The following DPP6 variants were observed in gnomAD, a reference collection of about 807,000 sequenced individuals.
DPP6 encodes the protein dipeptidyl peptidase like 6.
A neutral mutation model predicts 122.6 loss-of-function variants in DPP6; 69 were observed. The ratio of observed to expected loss-of-function variants is 0.56; its 90% CI spans 0.46 to 0.69. The LOEUF is 0.69. DPP6 is among the 30% of genes least tolerant of loss of function. The pLI is 0.00. For missense variants in DPP6, 928 were observed against 1,116.9 expected, an observed-to-expected ratio of 0.83 and a Z score of 2.41; for synonymous variants, 418 against 433.1, an observed-to-expected ratio of 0.97 and a Z score of 0.43.
intron 1 of DPP6, among the ~76,000 whole-genome samples, chr7:153,941,868 T>C (rs1801712458): frequency 6.6e-6 from 1 of 152,206 alleles, no homozygotes; most frequent in Non-Finnish European, 1.5e-5. Flanking sequence ...TCTCTGTTTC[T>C]GTTTGTCTCT....
chr7:154,110,947 G>A (rs1806526076), intron 1 of DPP6, among the ~76,000 whole-genome samples: 1 of 152,040 alleles, frequency 6.6e-6, no homozygotes, highest in Admixed American at 6.5e-5. Context: ...GGAAAGGATG[G>A]GGGATGGAGA....
At chr7:154,716,387 A>G (rs1005714808) in intron 7 of DPP6, among the ~76,000 whole-genome samples, 18 of 152,124 alleles carry the variant, frequency 1.2e-4, no homozygotes, top group African/African-American at 4.3e-4. Flanking sequence ...CTTACCACCT[A>G]CTTGTAGTCC....
intron 8 of DPP6, among the ~76,000 whole-genome samples, chr7:154,732,096 T>C (rs1227154817): frequency 6.6e-6 from 1 of 152,008 alleles, no homozygotes; most frequent in East Asian, 1.9e-4. Flanking sequence ...TGGAGTGTAG[T>C]GGCGCAATCT....
In DPP6 at chr7:154,772,952, C is replaced by A; in HGVS notation, c.1136+10C>A. ...ATGATCCACGGATGAGGTTTGCTTCCTTCTATTATGTTACCAAAAAAAAAA... is the reference window on the plus strand; with the variant it reads ...ATGATCCACGGATGAGGTTTGCTTCATTCTATTATGTTACCAAAAAAAAAA... On this transcript the variant is annotated intron_variant, in intron 10 of 25. Transcript: ENST00000377770. The A allele has an allele frequency of 6.5e-7, 1 of 1,539,118 alleles. No individual in the cohort carries two copies. The highest frequency in any genetic ancestry group is 8.7e-7 in the Non-Finnish European group (1 of 1,146,742).
At chr7:154,210,697 T>C (rs1256744195) in intron 1 of DPP6, among the ~76,000 whole-genome samples, 1 of 151,986 alleles carries the variant, frequency 6.6e-6, no homozygotes, top group African/African-American at 2.4e-5. Flanking sequence ...AAAGACATGC[T>C]GGTAGAGGAA....
intron 16 of DPP6, among the ~76,000 whole-genome samples, chr7:154,825,805 C>T (rs967955992): frequency 3.3e-5 from 5 of 152,196 alleles, no homozygotes; most frequent in Non-Finnish European, 7.3e-5. Context: ...GGAGAAGGAA[C>T]AGGAAACAAA....
intron 1 of DPP6, among the ~76,000 whole-genome samples, chr7:154,032,977 A>T (rs1799333149): frequency 6.6e-6 from 1 of 151,562 alleles, no homozygotes; most frequent in African/African-American, 2.4e-5. Flanking sequence ...AGGTGGCTTT[A>T]TATACCTGTG....
intron 1 of DPP6, among the ~76,000 whole-genome samples, chr7:154,088,055 A>G (rs1178552638): frequency 6.6e-6 from 1 of 152,098 alleles, no homozygotes; most frequent in Non-Finnish European, 1.5e-5. Flanking sequence ...ATTGGAATCT[A>G]CCCTCTCAGC....
At chr7:153,757,360 T>G in the DPP6 span, among the ~76,000 whole-genome samples, 1 of 146,564 alleles carries the variant, frequency 6.8e-6, no homozygotes, top group Non-Finnish European at 1.5e-5. Context: ...AAGTTCATAT[T>G]TTTCATTTTG....
the DPP6 span, among the ~76,000 whole-genome samples, chr7:153,777,706 T>C: frequency 1.4e-4 from 16 of 117,912 alleles, no homozygotes; most frequent in East Asian, 1.7e-3. Context: ...GAGGTACAGA[T>C]CAAGTTAGTA....
intron 3 of DPP6, among the ~76,000 whole-genome samples, chr7:154,497,729 C>T (rs1020048276): frequency 6.6e-6 from 1 of 151,970 alleles, no homozygotes; most frequent in African/African-American, 2.4e-5. Flanking sequence ...AATGTATGCC[C>T]ATTTTTTAAA....
intron 7 of DPP6, among the ~76,000 whole-genome samples, chr7:154,717,877 A>G (rs2131329906): frequency 6.6e-6 from 1 of 152,312 alleles, no homozygotes; most frequent in Non-Finnish European, 1.5e-5. Flanking sequence ...ACAGTGTATA[A>G]AAGGCCCCCC....
At chr7:154,784,282 A>G (rs139747726) in intron 10 of DPP6, among the ~76,000 whole-genome samples, 72 of 152,252 alleles carry the variant, frequency 4.7e-4, no homozygotes, top group African/African-American at 1.6e-3. Flanking sequence ...GACCTAGGAC[A>G]AGAGTGAGCC....
chr7:154,017,579 A>G (rs1563103976), intron 1 of DPP6, among the ~76,000 whole-genome samples: 1 of 151,756 alleles, frequency 6.6e-6, no homozygotes, highest in Non-Finnish European at 1.5e-5. Context: ...ATGTGCCTGT[A>G]GTCCCAGCTA....
intron 3 of DPP6, among the ~76,000 whole-genome samples, chr7:154,484,056 C>T (rs562081062): frequency 6.6e-6 from 1 of 152,292 alleles, no homozygotes; most frequent in African/African-American, 2.4e-5. Flanking sequence ...CTTACAAGGC[C>T]AACTGGCTTT....
rs1001280208 is a variant in DPP6, at chr7:154,863,220, T to C, written c.1715-4775T>C. ...CCCGAACCCTTTCCTTTGTCTTTTC[T>C]ATTTTGTTCATAAAGCATGTCTCTG... On this transcript the variant is annotated intron_variant, in intron 17 of 25. Coordinates refer to ENST00000377770, the MANE Select transcript of DPP6 (RefSeq NM_130797.4). The surrounding 1 kb of genome is among the most constrained non-coding windows in gnomAD (Gnocchi z 4.1). Among the ~76,000 whole-genome samples, 1 of 152,170 alleles carries C rather than the reference T, an allele frequency of 6.6e-6. No homozygotes were observed. Among genetic ancestry groups the C allele is most frequent in the Admixed American group, 6.5e-5 (1 of 15,280 alleles).
At chr7:154,383,308 G>C (rs1043786282) in intron 1 of DPP6, among the ~76,000 whole-genome samples, 1 of 152,088 alleles carries the variant, frequency 6.6e-6, no homozygotes, top group African/African-American at 2.4e-5. Flanking sequence ...TGAGTACTTC[G>C]CAACTCATAA....
chr7:153,816,603 A>T, the DPP6 span, among the ~76,000 whole-genome samples: 1 of 152,252 alleles, frequency 6.6e-6, no homozygotes, highest in South Asian at 2.1e-4. Flanking sequence ...CCCAAAAGGA[A>T]CTATGTTTAT....
intron 1 of DPP6, among the ~76,000 whole-genome samples, chr7:153,929,054 G>A (rs1801054598): frequency 6.6e-6 from 1 of 152,188 alleles, no homozygotes; most frequent in African/African-American, 2.4e-5. Flanking sequence ...TTTACCTCCA[G>A]AGAGATGACG....
Sources: gnomAD v4.1 joint callset for allele counts (sites outside exome capture counted in the v4.1 genomes callset) on GRCh38, gnomAD v4.1.1 for gene constraint, Gnocchi (gnomAD v3.1) non-coding constraint, MANE v1.5 for transcripts, NCBI Gene and HGNC (gene_info 2026-07-23, HGNC 2026-07-21) for gene names.